Variants in TMCC2 observed in about 807,000 individuals in gnomAD.
TMCC2 encodes the protein transmembrane and coiled-coil domains protein 2.
TMCC2 carries 16 observed loss-of-function variants against 49.4 expected under a neutral mutation model. That is an observed-to-expected ratio of 0.32 (90% CI 0.22 to 0.49). The LOEUF (loss-of-function observed/expected upper bound fraction) is 0.49, where lower values mean the gene tolerates loss of function less well. TMCC2 is among the 20% of genes least tolerant of loss of function. The probability of loss-of-function intolerance (pLI) is 0.99; values close to 1 mark genes in which losing one functional copy is unlikely to be tolerated. For missense variants in TMCC2, 762 were observed against 989.8 expected (o/e 0.77, Z 3.09); for synonymous variants, 397 against 434.1 (o/e 0.91, Z 1.06).
rs369237599 is a variant in TMCC2 at position 205,242,036 on chromosome 1, G to T, written c.739G>T (p.Gly247Trp). The T allele has an allele frequency of 6.3e-7, 1 of 1,583,878 alleles. No homozygotes were observed. Among genetic ancestry groups the T allele is most frequent in the South Asian group, 1.2e-5 (1 of 86,698 alleles). Residue 247 changes from glycine (G) to tryptophan (W), a missense_variant, in exon 2 of 5, where the codon GGG (glycine) becomes TGG (tryptophan). By Grantham distance (184) the Gly-to-Trp change is radical. Transcript: ENST00000358024. ...CCTGGCTGAGGAGGCCGAAGGCATC[G>T]GGGACAAGGTGAGATGGGCCTTCTG... Reference protein sequence around the residue: ...YLLAEEAEGIGDKVDKGDLVA... With the variant: ...YLLAEEAEGIWDKVDKGDLVA...
At chr1:205,250,490 G>C (rs1292475148) in intron 2 of TMCC2, among the ~76,000 whole-genome samples, 1 of 152,070 alleles carries the variant, frequency 6.6e-6, no homozygotes, top group African/African-American at 2.4e-5. Flanking sequence ...GCAGTGAGCT[G>C]AGATCGCGCC....
At chr1:205,266,012 C>T (rs1488540620) in intron 2 of TMCC2, among the ~76,000 whole-genome samples, 3 of 149,858 alleles carry the variant, frequency 2.0e-5, no homozygotes, top group East Asian at 2.0e-4. Context: ...GAGGCTGAGG[C>T]GGGCGGATCA....
chr1:205,246,215 C>T (rs750849750), intron 2 of TMCC2, among the ~76,000 whole-genome samples: 15 of 149,628 alleles, frequency 1.0e-4, no homozygotes, highest in Non-Finnish European at 1.6e-4. Context: ...CACAGATTTG[C>T]GGCCTGGCAG....
At chr1:205,253,979 GCA>G (rs1336135818) in intron 2 of TMCC2, among the ~76,000 whole-genome samples, 1 of 152,178 alleles carries the variant, frequency 6.6e-6, no homozygotes, top group African/African-American at 2.4e-5. Context: ...AGACTCAGCT[GCA>G]CAGAGTCTCC....
rs1660258163 is a variant in TMCC2 at position 205,241,430 on chromosome 1, T to TC, written c.208-74dup. 1 of 1,486,850 alleles carries TC rather than the reference T, an allele frequency of 6.7e-7. No homozygotes were observed. The highest frequency in any genetic ancestry group is 9.2e-7 in the Non-Finnish European group (1 of 1,088,440). The allele number at this position is 1,486,850 out of a possible 1,614,324, so 92.1% of individuals were successfully genotyped here. A position where few individuals can be genotyped will look rare whatever the true frequency, so the allele number is the denominator to read the frequency against. ...TGCCAGTCTACCAAGGACAGACCCT[T>TC]CACCTTCACCCTCCTACTGACTAGG... On this transcript the variant is annotated intron_variant, in intron 1 of 4. Transcript: ENST00000358024. This position sits in a 1 kb window ranked among gnomAD's most constrained non-coding sequence, Gnocchi z 7.3.
rs1661249445 is a variant in TMCC2, at chr1:205,264,652, C to T, written c.748-4298C>T. On this transcript the variant is annotated intron_variant, in intron 2 of 4. Coordinates refer to ENST00000358024, the MANE Select transcript of TMCC2 (RefSeq NM_014858.4). The surrounding 1 kb of genome is among the most constrained non-coding windows in gnomAD (Gnocchi z 4.2). ...GGTGCCCGCCACCACATCCCACACC[C>T]AGCTAATTTTTGTATTGTTAGTAGA... 6.6e-6 allele frequency among the ~76,000 whole-genome samples: 1 copy of T among 152,072 alleles called. No homozygotes were observed. Among genetic ancestry groups the T allele is most frequent in the South Asian group, 2.1e-4 (1 of 4,812 alleles).
Position 205,272,190 on chromosome 1 carries a change from C to T in TMCC2, c.*66C>T. On this transcript the variant is annotated 3_prime_UTR_variant, in exon 5 of 5. Transcript: ENST00000358024. The stretch of plus-strand genomic sequence containing the variant: ...TGGCCACACTTCTCCAGGAGGGACC[C>T]TTGGACTTCTTTGTGTGTCCAGTTT... 2 of 1,561,498 alleles carry T rather than the reference C, an allele frequency of 1.3e-6. No individual in the cohort carries two copies. Among genetic ancestry groups the T allele is most frequent in the South Asian group, 2.4e-5 (2 of 83,802 alleles).
intron 2 of TMCC2, among the ~76,000 whole-genome samples, chr1:205,262,917 G>A (rs1050892698): frequency 5.3e-5 from 8 of 152,140 alleles, no homozygotes; most frequent in Non-Finnish European, 5.9e-5. Flanking sequence ...CTAGGATCTC[G>A]TGGTGAGTCC....
intron 1 of TMCC2, among the ~76,000 whole-genome samples, chr1:205,239,112 ACT>A (rs1660168253): frequency 6.6e-6 from 1 of 151,676 alleles, no homozygotes; most frequent in Non-Finnish European, 1.5e-5. Context: ...TAGAAGGGAA[ACT>A]CTTTCTGCCT....
At chr1:205,267,842 C>T in intron 2 of TMCC2, 2 of 982,512 alleles carry the variant, frequency 2.0e-6, no homozygotes, top group Non-Finnish European at 2.4e-6. Context: ...ACGCATTCAC[C>T]CTCTGCAAAG....
In TMCC2 at chr1:205,272,741, T is replaced by C. The variant is rs2102623525; in HGVS notation, c.*617T>C. The C allele has an allele frequency of 1.3e-5, 2 of 154,200 alleles. No homozygotes were observed. The highest frequency in any genetic ancestry group is 4.1e-4 in the South Asian group (2 of 4,878). 9.6% of individuals were successfully genotyped at this position (154,200 alleles called of 1,614,324 possible). ...GAGGCCTCCTTCTGGGGCTGGGCTCTGCAGGCCAGGTGGGTGTGGCCTGTG... is the reference window on the plus strand; with the variant it reads ...GAGGCCTCCTTCTGGGGCTGGGCTCCGCAGGCCAGGTGGGTGTGGCCTGTG... On this transcript the variant is annotated 3_prime_UTR_variant, in exon 5 of 5. Transcript: ENST00000358024.
chr1:205,263,026 A>G (rs1012151581), intron 2 of TMCC2, among the ~76,000 whole-genome samples: 3 of 152,252 alleles, frequency 2.0e-5, no homozygotes, highest in African/African-American at 7.2e-5. Flanking sequence ...CAAAAACCAC[A>G]AACAGGATCT....
chr1:205,265,449 A>G (rs1661283448), intron 2 of TMCC2, among the ~76,000 whole-genome samples: 1 of 151,810 alleles, frequency 6.6e-6, no homozygotes, highest in Admixed American at 6.6e-5. Flanking sequence ...TTTCACATCC[A>G]TTTCTTATTA....
At chr1:205,228,825 C>G in intron 1 of TMCC2, 54 bp downstream of exon 1, 2 of 1,533,386 alleles carry the variant, frequency 1.3e-6, no homozygotes, top group Non-Finnish European at 1.8e-6. Context: ...GCTCTCGCCA[C>G]CCCACGCAGA....
At chr1:205,249,287 A>G (rs1660574884) in intron 2 of TMCC2, among the ~76,000 whole-genome samples, 1 of 152,158 alleles carries the variant, frequency 6.6e-6, no homozygotes, top group Admixed American at 6.5e-5. Context: ...CCCACACCAG[A>G]TTTATCCAAC....
At chr1:205,247,809 A>ACAGCAGCCCTGGCAGGGTT (rs1558648435) in intron 2 of TMCC2, among the ~76,000 whole-genome samples, 1 of 152,214 alleles carries the variant, frequency 6.6e-6, no homozygotes, top group African/African-American at 2.4e-5. Flanking sequence ...CTTTCGGACC[A>ACAGCAGCCCTGGCAGGGTT]GAGCAGCCCT....
chr1:205,272,170 A>G lies in TMCC2; in HGVS notation c.*46A>G, dbSNP rs1225492441. ...TGTGCTCTCTGGCCCCCAGCTGGCC[A>G]CACTTCTCCAGGAGGGACCCTTGGA... On this transcript the variant is annotated 3_prime_UTR_variant, in exon 5 of 5. Transcript: ENST00000358024. 3.1e-6 allele frequency: 5 copies of G among 1,590,130 alleles called. No individual in the cohort carries two copies. Among genetic ancestry groups the G allele is most frequent in the African/African-American group, 1.3e-5 (1 of 74,536 alleles).
chr1:205,267,130 A>G (rs764895003), intron 2 of TMCC2, among the ~76,000 whole-genome samples: 15 of 152,118 alleles, frequency 9.9e-5, no homozygotes, highest in Non-Finnish European at 2.2e-4. Flanking sequence ...CAAACATAAG[A>G]GGGAAGTCCT....
At chr1:205,267,840 AC>A in intron 2 of TMCC2, 1 of 979,284 alleles carries the variant, frequency 1.0e-6, no homozygotes, top group Non-Finnish European at 1.2e-6. Flanking sequence ...CTACGCATTC[AC>A]CCTCTGCAAA....
Sources: allele counts gnomAD v4.1 joint callset (sites outside exome capture counted in the v4.1 genomes callset), GRCh38; gene constraint gnomAD v4.1.1; non-coding constraint Gnocchi (gnomAD v3.1); transcripts MANE v1.5; gene names NCBI Gene and HGNC (gene_info 2026-07-23, HGNC 2026-07-21).